TEX48: variants seen among roughly 807,000 people sequenced by gnomAD.
TEX48 encodes testis expressed 48, also known as testis-expressed protein 48.
In TEX48, 10 loss-of-function variants were observed where a neutral mutation model predicts 13.2. The ratio of observed to expected loss-of-function variants is 0.75; its 90% CI spans 0.47 to 1.28. The LOEUF (loss-of-function observed/expected upper bound fraction) is 1.28, where lower values mean the gene tolerates loss of function less well. Ranked by LOEUF, TEX48 falls within the 50% of genes most tolerant of loss-of-function variation. TEX48 has a pLI of 0.00. For missense variants in TEX48, 116 were observed against 139.4 expected, an observed-to-expected ratio of 0.83 and a Z score of 0.84; for synonymous variants, 45 against 52.3, an observed-to-expected ratio of 0.86 and a Z score of 0.60.
At chr9:114,674,582 T>TC (rs556616265) in intron 1 of TEX48, among the ~76,000 whole-genome samples, 1 of 63,458 alleles carries the variant, frequency 1.6e-5, no homozygotes, top group African/African-American at 1.5e-4. Flanking sequence ...TTCTTTCTTT[T>TC]TTTCTCTTTT....
intron 1 of TEX48, among the ~76,000 whole-genome samples, chr9:114,675,853 T>A (rs1427252194): frequency 1.3e-5 from 2 of 152,222 alleles, no homozygotes; most frequent in African/African-American, 4.8e-5. Flanking sequence ...CACCTTTTAC[T>A]GAATGGACCC....
intron 1 of TEX48, among the ~76,000 whole-genome samples, chr9:114,679,377 T>C (rs953915954): frequency 4.6e-5 from 7 of 151,456 alleles, no homozygotes; most frequent in Non-Finnish European, 7.4e-5. Context: ...TGGAGAACAC[T>C]TGCACTTACT....
At chr9:114,669,957 G>C (rs575500237) in intron 3 of TEX48, among the ~76,000 whole-genome samples, 1 of 152,190 alleles carries the variant, frequency 6.6e-6, no homozygotes, top group Non-Finnish European at 1.5e-5. Flanking sequence ...GTTTCTAGAA[G>C]AACAACAAAG....
At chr9:114,681,680 G>A (rs997694046) in intron 1 of TEX48, among the ~76,000 whole-genome samples, 9 of 152,142 alleles carry the variant, frequency 5.9e-5, no homozygotes, top group Non-Finnish European at 1.0e-4. Context: ...TGCACTACCA[G>A]TGACCCCCTC....
intron 1 of TEX48, among the ~76,000 whole-genome samples, chr9:114,680,120 C>CT (rs2079145442): frequency 0.014 from 743 of 52,056 alleles, 10 homozygotes; most frequent in African/African-American, 0.043. Context: ...TGTCATTGTC[C>CT]CTTTTTTTTT....
At chr9:114,676,806 C>T (rs1442837022) in intron 1 of TEX48, among the ~76,000 whole-genome samples, 5 of 151,858 alleles carry the variant, frequency 3.3e-5, no homozygotes, top group Admixed American at 2.0e-4. Flanking sequence ...TTAGTAGAGA[C>T]GGGGTTTCAC....
At chr9:114,678,308 T>G (rs941863057) in intron 1 of TEX48, among the ~76,000 whole-genome samples, 5 of 152,082 alleles carry the variant, frequency 3.3e-5, no homozygotes, top group African/African-American at 1.2e-4. Context: ...CAAATAAACT[T>G]TTTCAGGGAG....
chr9:114,669,595 C>T (rs532734656), intron 3 of TEX48, among the ~76,000 whole-genome samples: 7 of 152,276 alleles, frequency 4.6e-5, no homozygotes, highest in Non-Finnish European at 1.0e-4. Flanking sequence ...ACATGTGCCA[C>T]CATGCCTGGC....
chr9:114,666,715 A>C lies in TEX48; in HGVS notation c.291T>G (p.Phe97Leu). 1 of 1,535,044 alleles carries C rather than the reference A, an allele frequency of 6.5e-7. No individual in the cohort carries two copies. Among genetic ancestry groups the C allele is most frequent in the Non-Finnish European group, 8.7e-7 (1 of 1,146,378 alleles). The change falls in exon 5 of 5, where the codon TTT becomes TTG. Residue 97 changes from phenylalanine (F) to leucine (L), a missense_variant. Phe to Leu is a conservative substitution (Grantham distance 22, BLOSUM62 0). Transcript: ENST00000436752. The part of the protein sequence containing the change: ...DLNAYASQRN[F>L]YKRNLNRYCQ... ...AGTAGCGGTTTAAGTTTCTCTTGTA[A>C]AAATTTCTTTGGGAAGCATATGCAT...
intron 4 of TEX48, 82 bp from the exon 5 acceptor site, chr9:114,666,828 A>T (rs1468960538): frequency 1.4e-6 from 1 of 699,304 alleles, no homozygotes; most frequent in East Asian, 2.7e-5. Flanking sequence ...GTTTGTATCC[A>T]TTGCTGATCA....
chr9:114,668,150 C>A (rs1364993537), intron 4 of TEX48, 56 bp downstream of exon 4: 2 of 1,531,414 alleles, frequency 1.3e-6, no homozygotes, highest in Non-Finnish European at 1.7e-6. Context: ...TTATTAGGAC[C>A]AGGCTCCCTG....
intron 1 of TEX48, among the ~76,000 whole-genome samples, chr9:114,679,239 ATT>A (rs1461664611): frequency 6.8e-6 from 1 of 147,326 alleles, no homozygotes; most frequent in East Asian, 2.0e-4. Flanking sequence ...TATCTTGATC[ATT>A]TTCCAAGAGT....
At chr9:114,672,071 G>A (rs979672055) in intron 1 of TEX48, among the ~76,000 whole-genome samples, 10 of 152,206 alleles carry the variant, frequency 6.6e-5, no homozygotes, top group Non-Finnish European at 1.2e-4. Flanking sequence ...CTTTGCAGGA[G>A]TAAAGACTCA....
intron 1 of TEX48, among the ~76,000 whole-genome samples, chr9:114,674,606 CT>C (rs1564317096): frequency 2.3e-4 from 4 of 17,482 alleles, no homozygotes; most frequent in Non-Finnish European, 4.8e-4. Flanking sequence ...TTTTTCTTTC[CT>C]TCCTTCCTTC....
chr9:114,676,639 T>C (rs1404056899), intron 1 of TEX48, among the ~76,000 whole-genome samples: 1 of 146,986 alleles, frequency 6.8e-6, no homozygotes, highest in African/African-American at 2.5e-5. Context: ...TTTTTTGAGA[T>C]GGAGTCGCGC....
chr9:114,680,882 C>T (rs11791123), intron 1 of TEX48, among the ~76,000 whole-genome samples: 1 of 152,174 alleles, frequency 6.6e-6, no homozygotes, highest in Non-Finnish European at 1.5e-5. Context: ...TCTACCATTC[C>T]TAAACACTGC....
intron 1 of TEX48, among the ~76,000 whole-genome samples, chr9:114,672,793 G>A (rs1257439521): frequency 6.6e-6 from 1 of 152,172 alleles, no homozygotes; most frequent in Non-Finnish European, 1.5e-5. Context: ...AGTAGATGGA[G>A]CGATATAATA....
intron 1 of TEX48, among the ~76,000 whole-genome samples, chr9:114,676,369 C>T (rs963757355): frequency 6.6e-6 from 1 of 151,894 alleles, no homozygotes; most frequent in Non-Finnish European, 1.5e-5. Context: ...TGGGATTTTG[C>T]CGTATTGCCC....
At chr9:114,669,622 A>T (rs983855747) in intron 3 of TEX48, among the ~76,000 whole-genome samples, 7 of 152,000 alleles carry the variant, frequency 4.6e-5, no homozygotes, top group Non-Finnish European at 2.9e-5. Flanking sequence ...TGTATTTTTA[A>T]TAGAGACGGG....
Sources: gnomAD v4.1 joint callset for allele counts (sites outside exome capture counted in the v4.1 genomes callset) on GRCh38, gnomAD v4.1.1 for gene constraint, MANE v1.5 for transcripts, NCBI Gene and HGNC (gene_info 2026-07-23, HGNC 2026-07-21) for gene names.